PLD5: variants seen among roughly 807,000 people sequenced by gnomAD.
The protein encoded by PLD5 is phospholipase D family member 5.
Under a neutral mutation model 61.1 loss-of-function variants are expected in PLD5, and 36 were observed. The ratio of observed to expected loss-of-function variants is 0.59; its 90% CI spans 0.45 to 0.78. The LOEUF (loss-of-function observed/expected upper bound fraction) is 0.78, where lower values mean the gene tolerates loss of function less well. Among genes scored for constraint, PLD5 ranks in the 30% least tolerant of loss-of-function variants. The pLI, the probability that PLD5 is intolerant of heterozygous loss-of-function variation, is 0.00. For missense variants in PLD5, 515 were observed against 644.4 expected (o/e 0.80, Z 2.17); for synonymous variants, 243 against 242.8 (o/e 1.00, Z -0.01).
At chr1:242,139,955 G>C (rs1160353187) in intron 5 of PLD5, among the ~76,000 whole-genome samples, 1 of 152,128 alleles carries the variant, frequency 6.6e-6, no homozygotes, top group African/African-American at 2.4e-5. Flanking sequence ...CTGCAACTTA[G>C]GATCTTAGGA....
At chr1:242,243,847 T>C (rs566341681) in intron 4 of PLD5, among the ~76,000 whole-genome samples, 4 of 152,358 alleles carry the variant, frequency 2.6e-5, no homozygotes, top group Non-Finnish European at 4.4e-5. Context: ...TGCTTTTTAA[T>C]TGGAAACACG....
At chr1:242,411,298 C>T (rs1396620106) in intron 1 of PLD5, among the ~76,000 whole-genome samples, 2 of 152,240 alleles carry the variant, frequency 1.3e-5, no homozygotes, top group Non-Finnish European at 1.5e-5. Context: ...TGCAGTGGCA[C>T]GATCTCGGCT....
chr1:242,504,861 A>G (rs1004545032), intron 1 of PLD5, among the ~76,000 whole-genome samples: 1 of 152,130 alleles, frequency 6.6e-6, no homozygotes, highest in Non-Finnish European at 1.5e-5. Flanking sequence ...AATTTATATG[A>G]TTTAAAACTG....
intron 9 of PLD5, 139 bp downstream of exon 9, chr1:242,100,529 C>G: frequency 1.6e-6 from 1 of 638,194 alleles, no homozygotes; most frequent in Non-Finnish European, 2.8e-6. Flanking sequence ...CGTCCTGTTT[C>G]CTCATCTCCA....
intron 5 of PLD5, among the ~76,000 whole-genome samples, chr1:242,129,466 G>T (rs1663061987): frequency 6.6e-6 from 1 of 152,160 alleles, no homozygotes; most frequent in Non-Finnish European, 1.5e-5. Context: ...GAACAAAACT[G>T]GCTTTTGTTT....
At chr1:242,457,096 T>C (rs1256729383) in intron 1 of PLD5, among the ~76,000 whole-genome samples, 1 of 152,198 alleles carries the variant, frequency 6.6e-6, no homozygotes, top group Non-Finnish European at 1.5e-5. Flanking sequence ...ACGTCTCATG[T>C]TAAAAAACAT....
At chr1:242,156,644 G>A (rs879788520) in intron 5 of PLD5, among the ~76,000 whole-genome samples, 1 of 152,100 alleles carries the variant, frequency 6.6e-6, no homozygotes, top group Non-Finnish European at 1.5e-5. Flanking sequence ...ATTCTGGGTT[G>A]AAAATTATTT....
intron 5 of PLD5, among the ~76,000 whole-genome samples, chr1:242,171,712 G>T (rs984615684): frequency 2.7e-5 from 3 of 111,870 alleles, no homozygotes; most frequent in African/African-American, 1.1e-4. Flanking sequence ...CCAAGCAAAT[G>T]GAAAGAAAAA....
chr1:242,330,304 A>G (rs886864270), intron 2 of PLD5, among the ~76,000 whole-genome samples: 1 of 152,204 alleles, frequency 6.6e-6, no homozygotes, highest in Non-Finnish European at 1.5e-5. Context: ...TGACCTTCAC[A>G]TGGTGGTCAC....
At chr1:242,325,508 A>T (rs1658704647) in intron 2 of PLD5, among the ~76,000 whole-genome samples, 1 of 151,588 alleles carries the variant, frequency 6.6e-6, no homozygotes, top group African/African-American at 2.4e-5. Context: ...AGAGAGAGAG[A>T]GAGTCAGAGA....
rs188976932 is a variant in PLD5, at chr1:242,459,905, C to T, written c.189+64183G>A. Among the ~76,000 whole-genome samples, 133 of 152,242 alleles carry T rather than the reference C, an allele frequency of 8.7e-4. 1 individual carries two copies. Among genetic ancestry groups the T allele is most frequent in the Admixed American group, 2.4e-3 (37 of 15,296 alleles). On this transcript the variant is annotated intron_variant, in intron 1 of 9. Coordinates refer to ENST00000536534, the MANE Select transcript of PLD5 (RefSeq NM_001372062.1). ...AGGGCTATAAACGCCCTCATCTTGCCGCGGCTCTTCTAGGTCTCTTTAGGG... is the reference window on the plus strand; with the variant it reads ...AGGGCTATAAACGCCCTCATCTTGCTGCGGCTCTTCTAGGTCTCTTTAGGG...
intron 9 of PLD5, among the ~76,000 whole-genome samples, chr1:242,091,448 G>T (rs1659815203): frequency 6.6e-6 from 1 of 152,136 alleles, no homozygotes; most frequent in Non-Finnish European, 1.5e-5. Flanking sequence ...CATGTTCCTT[G>T]CCAGTCACAA....
chr1:242,219,243 T>C (rs140535553), intron 5 of PLD5, among the ~76,000 whole-genome samples: 92 of 152,286 alleles, frequency 6.0e-4, no homozygotes, highest in African/African-American at 1.8e-3. Flanking sequence ...TAATTTAAGA[T>C]AGATGATTAA....
At chr1:242,215,198 CTTT>C (rs1422002784) in intron 5 of PLD5, among the ~76,000 whole-genome samples, 1 of 150,144 alleles carries the variant, frequency 6.7e-6, no homozygotes, top group Non-Finnish European at 1.5e-5. Context: ...TATACATCTT[CTTT>C]TAACTTTTGC....
At chr1:242,448,295 T>C (rs1384558870) in intron 1 of PLD5, among the ~76,000 whole-genome samples, 1 of 152,158 alleles carries the variant, frequency 6.6e-6, no homozygotes, top group Admixed American at 6.5e-5. Flanking sequence ...TTTCCCTCTT[T>C]CTGAGTTGCT....
chr1:242,512,448 G>A (rs975893150), intron 1 of PLD5, among the ~76,000 whole-genome samples: 2 of 151,638 alleles, frequency 1.3e-5, no homozygotes, highest in African/African-American at 4.8e-5. Context: ...ATTTTGGTGG[G>A]TTTGACACAT....
At chr1:242,461,306 T>C (rs1667111764) in intron 1 of PLD5, among the ~76,000 whole-genome samples, 2 of 152,154 alleles carry the variant, frequency 1.3e-5, no homozygotes, top group Non-Finnish European at 2.9e-5. Context: ...CCTGGCATAG[T>C]GATATTTTAT....
intron 5 of PLD5, among the ~76,000 whole-genome samples, chr1:242,202,236 A>G (rs1430501855): frequency 1.3e-5 from 2 of 151,372 alleles, no homozygotes; most frequent in Non-Finnish European, 2.9e-5. Flanking sequence ...CAAAAACAAA[A>G]CAAACAAACA....
At chr1:242,198,231 G>A (rs1210988832) in intron 5 of PLD5, among the ~76,000 whole-genome samples, 1 of 152,172 alleles carries the variant, frequency 6.6e-6, no homozygotes, top group Non-Finnish European at 1.5e-5. Flanking sequence ...GATTATAAGT[G>A]TTTGACTTCT....
Sources: gnomAD v4.1 joint callset for allele counts (sites outside exome capture counted in the v4.1 genomes callset) on GRCh38, gnomAD v4.1.1 for gene constraint, MANE v1.5 for transcripts, NCBI Gene and HGNC (gene_info 2026-07-23, HGNC 2026-07-21) for gene names.